NCKAP5: variants seen among roughly 807,000 people sequenced by gnomAD.
NCKAP5 encodes the protein NCK associated protein 5.
In NCKAP5, 92 loss-of-function variants were observed where a neutral mutation model predicts 167.0. That is an observed-to-expected ratio of 0.55 (90% CI 0.47 to 0.66). NCKAP5 has a LOEUF of 0.66. Ranked by LOEUF, NCKAP5 falls within the 30% of genes least tolerant of loss-of-function variation. NCKAP5 has a pLI of 0.00. For missense variants in NCKAP5, 2,378 were observed against 2,315.0 expected (o/e 1.03, Z -0.56); for synonymous variants, 891 against 877.4 (o/e 1.02, Z -0.27).
chr2:132,965,942 G>GTGTA (rs1553493924), intron 7 of NCKAP5, among the ~76,000 whole-genome samples: 1 of 150,964 alleles, frequency 6.6e-6, no homozygotes, highest in African/African-American at 2.4e-5. Flanking sequence ...GTGTGTGTGT[G>GTGTA]TATCTGTAGA....
chr2:133,358,974 G>A (rs1180750095), intron 3 of NCKAP5, among the ~76,000 whole-genome samples: 1 of 152,138 alleles, frequency 6.6e-6, no homozygotes, highest in African/African-American at 2.4e-5. Context: ...TACTTCTACT[G>A]TTTTTTCAAC....
intron 2 of NCKAP5, among the ~76,000 whole-genome samples, chr2:133,548,828 C>G (rs2104937352): frequency 6.6e-6 from 1 of 151,980 alleles, no homozygotes; most frequent in South Asian, 2.1e-4. Flanking sequence ...AACTAACGAG[C>G]AAAATCACCA....
chr2:132,936,728 C>G (rs1696878447), intron 8 of NCKAP5, among the ~76,000 whole-genome samples: 1 of 152,186 alleles, frequency 6.6e-6, no homozygotes, highest in South Asian at 2.1e-4. Context: ...AATGTGCTTA[C>G]AGTAATTACT....
intron 18 of NCKAP5, 64 bp from the exon 19 acceptor site, chr2:132,725,823 G>C: frequency 7.3e-6 from 11 of 1,511,250 alleles, no homozygotes; most frequent in Middle Eastern, 1.7e-4. Flanking sequence ...AGAGCATCCT[G>C]TGAGGATGCG....
At chr2:133,038,481 C>T (rs1170775527) in intron 6 of NCKAP5, among the ~76,000 whole-genome samples, 1 of 151,840 alleles carries the variant, frequency 6.6e-6, no homozygotes, top group East Asian at 1.9e-4. Context: ...GGAAGGGTAT[C>T]AGGGCATTGG....
At chr2:133,395,956 C>T (rs1687706507) in intron 3 of NCKAP5, among the ~76,000 whole-genome samples, 1 of 152,130 alleles carries the variant, frequency 6.6e-6, no homozygotes, top group Non-Finnish European at 1.5e-5. Context: ...TATTCCTCTA[C>T]TCAACGTACC....
At chr2:133,140,291 C>T (rs1483071374) in intron 5 of NCKAP5, among the ~76,000 whole-genome samples, 1 of 152,104 alleles carries the variant, frequency 6.6e-6, no homozygotes, top group Non-Finnish European at 1.5e-5. Flanking sequence ...TTTGTTGTAG[C>T]AACTTTTGCT....
Position 133,014,764 on chromosome 2 carries a change from G to A in NCKAP5, c.342-20525C>T, listed in dbSNP as rs73956096. The stretch of plus-strand genomic sequence containing the variant: ...TGCCCAAGCCTCTTTGGCAAATGGC[G>A]GTTTTATAGAGACTACTGCTTGAAA... On this transcript the variant is annotated intron_variant, in intron 6 of 19. Coordinates refer to ENST00000409261, the MANE Select transcript of NCKAP5 (RefSeq NM_207363.3). Among the ~76,000 whole-genome samples, 742 of 152,222 alleles carry A rather than the reference G, an allele frequency of 4.9e-3. 9 individuals carry two copies. The highest frequency in any genetic ancestry group is 0.017 in the African/African-American group (701 of 41,516).
At chr2:133,050,499 G>A (rs4954024) in intron 6 of NCKAP5, among the ~76,000 whole-genome samples, 97,006 of 152,054 alleles carry the variant, frequency 0.64, 32,861 homozygotes, top group East Asian at 0.96. Flanking sequence ...AATCTTTCCT[G>A]TTTGTAAAAT....
At chr2:133,652,604 C>T in the NCKAP5 span, among the ~76,000 whole-genome samples, 1 of 152,200 alleles carries the variant, frequency 6.6e-6, no homozygotes, top group Non-Finnish European at 1.5e-5. Context: ...CATCATTACA[C>T]ATTTGCTTTA....
At chr2:132,755,138 T>A (rs1268188777) in intron 16 of NCKAP5, among the ~76,000 whole-genome samples, 1 of 152,238 alleles carries the variant, frequency 6.6e-6, no homozygotes, top group Non-Finnish European at 1.5e-5. Flanking sequence ...AGCTCCTTCT[T>A]ACTGGCTGGA....
At chr2:132,725,604 C>A in intron 19 of NCKAP5, 23 bp downstream of exon 19, 1 of 1,598,300 alleles carries the variant, frequency 6.3e-7, no homozygotes, top group Non-Finnish European at 8.5e-7. Context: ...ACCTGCAGGG[C>A]CAGCAAGTTC....
intron 7 of NCKAP5, among the ~76,000 whole-genome samples, chr2:132,978,458 G>C (rs1484463433): frequency 6.6e-6 from 1 of 152,156 alleles, no homozygotes; most frequent in African/African-American, 2.4e-5. Flanking sequence ...AAGCTACTGG[G>C]ACATCTGTGA....
At chr2:132,794,307 G>GAGA (rs1553443904) in intron 12 of NCKAP5, among the ~76,000 whole-genome samples, 1 of 101,234 alleles carries the variant, frequency 9.9e-6, no homozygotes, top group Non-Finnish European at 2.1e-5. Flanking sequence ...GAGAGAGAGA[G>GAGA]GGTGGCGGGA....
intron 6 of NCKAP5, among the ~76,000 whole-genome samples, chr2:133,040,189 T>G (rs530108779): frequency 1.3e-5 from 2 of 152,236 alleles, no homozygotes; most frequent in Non-Finnish European, 2.9e-5. Flanking sequence ...AACTTCTATC[T>G]GATAAAAATT....
chr2:133,464,154 A>T (rs1692382987), intron 3 of NCKAP5, among the ~76,000 whole-genome samples: 1 of 152,218 alleles, frequency 6.6e-6, no homozygotes. Context: ...GCTTCTGGGA[A>T]TATCTCACAG....
At chr2:133,041,672 T>C (rs1438044006) in intron 6 of NCKAP5, among the ~76,000 whole-genome samples, 1 of 152,062 alleles carries the variant, frequency 6.6e-6, no homozygotes, top group African/African-American at 2.4e-5. Flanking sequence ...CCAAATGAAC[T>C]CCTAAAAAAT....
At chr2:133,066,283 C>T (rs541960667) in intron 6 of NCKAP5, among the ~76,000 whole-genome samples, 3 of 152,300 alleles carry the variant, frequency 2.0e-5, no homozygotes, top group African/African-American at 4.8e-5. Flanking sequence ...CCAGCCTTGT[C>T]ATCATCTTTC....
chr2:133,041,320 A>G (rs1275433192), intron 6 of NCKAP5, among the ~76,000 whole-genome samples: 1 of 152,180 alleles, frequency 6.6e-6, no homozygotes, highest in African/African-American at 2.4e-5. Context: ...TTCTCTCTAC[A>G]GGAAATCACA....
Sources: allele counts gnomAD v4.1 joint callset (sites outside exome capture counted in the v4.1 genomes callset), GRCh38; gene constraint gnomAD v4.1.1; transcripts MANE v1.5; gene names NCBI Gene and HGNC (gene_info 2026-07-23, HGNC 2026-07-21).